The following EFCAB12 variants were observed in gnomAD, a reference collection of about 807,000 sequenced individuals.
The protein encoded by EFCAB12 is EF-hand calcium-binding domain-containing protein 12.
Under a neutral mutation model 53.6 loss-of-function variants are expected in EFCAB12, and 43 were observed. The ratio of observed to expected loss-of-function variants is 0.80; its 90% CI spans 0.63 to 1.03. The LOEUF is 1.03. Ranked by LOEUF, EFCAB12 falls within the 50% of genes least tolerant of loss-of-function variation. The pLI is 0.00. For missense variants in EFCAB12, 646 were observed against 730.6 expected (o/e 0.88, Z 1.34); for synonymous variants, 269 against 289.2 (o/e 0.93, Z 0.71).
At chr3:129,417,981 G>T (rs1258593363) in intron 3 of EFCAB12, among the ~76,000 whole-genome samples, 2 of 152,176 alleles carry the variant, frequency 1.3e-5, no homozygotes, top group Admixed American at 6.5e-5. Flanking sequence ...GTAGCTGGCT[G>T]GTTATGAGGT....
chr3:129,402,494 C>G, intron 8 of EFCAB12, 29 bp downstream of exon 8: 1 of 1,606,260 alleles, frequency 6.2e-7, no homozygotes, highest in Non-Finnish European at 8.5e-7. Context: ...CACCTTCCTT[C>G]CTTGTGGAGT....
intron 1 of EFCAB12, among the ~76,000 whole-genome samples, chr3:129,423,095 T>G (rs779959018): frequency 1.3e-5 from 2 of 152,184 alleles, no homozygotes; most frequent in African/African-American, 4.8e-5. Context: ...GATAAGGACA[T>G]TGAGGCCTAG....
chr3:129,401,742 C>T lies in EFCAB12; in HGVS notation c.1570G>A (p.Asp524Asn). The T allele has an allele frequency of 6.2e-7, 1 of 1,605,388 alleles. No homozygotes were observed. The highest frequency in any genetic ancestry group is 8.5e-7 in the Non-Finnish European group (1 of 1,175,850). Residue 524 changes from aspartate (D) to asparagine (N), a missense_variant, in exon 9 of 9, where the codon GAC (aspartate) becomes AAC (asparagine). Asp to Asn is a conservative substitution (Grantham distance 23). Transcript: ENST00000505956. ...LQLYLPTVATDRSLALFSCVQ... is the reference protein window; with the variant it reads ...LQLYLPTVATNRSLALFSCVQ... ...CAACTGAAGAGCGCCAGGCTCCGGT[C>T]TGTGGCCACAGTGGGCAGGTAGAGC... is the stretch of plus-strand genomic sequence containing the variant.
At chr3:129,416,764 C>A (rs1008953120) in intron 3 of EFCAB12, among the ~76,000 whole-genome samples, 1 of 152,148 alleles carries the variant, frequency 6.6e-6, no homozygotes, top group African/African-American at 2.4e-5. Flanking sequence ...ATCCTCCCAT[C>A]TGACCCTCCC....
intron 6 of EFCAB12, among the ~76,000 whole-genome samples, chr3:129,407,971 A>G (rs1361561188): frequency 6.6e-6 from 1 of 152,226 alleles, no homozygotes; most frequent in African/African-American, 2.4e-5. Flanking sequence ...AGGCATTGCT[A>G]AATTGTCATC....
intron 7 of EFCAB12, chr3:129,404,021 G>A: frequency 2.0e-6 from 1 of 494,240 alleles, no homozygotes. Flanking sequence ...GGTCAGGAGG[G>A]TAGCTGTGTG....
At chr3:129,426,602 G>A (rs1213599695) in intron 1 of EFCAB12, among the ~76,000 whole-genome samples, 1 of 151,664 alleles carries the variant, frequency 6.6e-6, no homozygotes, top group Admixed American at 6.6e-5. Flanking sequence ...CTGACCTGGT[G>A]ATCCGCCCAC....
At chr3:129,404,597 G>A (rs570723239) in intron 6 of EFCAB12, among the ~76,000 whole-genome samples, 194 bp from the exon 7 acceptor site, 9 of 151,878 alleles carry the variant, frequency 5.9e-5, no homozygotes, top group South Asian at 2.1e-4. Context: ...ACTGCAGAGG[G>A]GTCCCTTGAA....
chr3:129,406,517 G>A (rs1301203838), intron 6 of EFCAB12, among the ~76,000 whole-genome samples: 2 of 152,102 alleles, frequency 1.3e-5, no homozygotes, highest in Non-Finnish European at 1.5e-5. Flanking sequence ...GACAGAGAGC[G>A]AGAGAGAAAG....
In EFCAB12 at chr3:129,418,401, C is replaced by T. The variant is rs1203461873; in HGVS notation, c.534G>A (p.Gln178=). The T allele has an allele frequency of 1.9e-6, 3 of 1,613,170 alleles. No homozygotes were observed. The highest frequency in any genetic ancestry group is 2.7e-5 in the African/African-American group (2 of 74,926). ...GGGCAGGGGGCTCGGGCAGCTGGAG[C>T]TGGGGCACCATCTGGCGGGACAGCC... ...LSRLSRQMVP[Q]LQLPEPPALS... The change falls in exon 3 of 9, where the codon CAG becomes CAA. Residue 178 remains glutamine (Q), a synonymous_variant. Transcript: ENST00000505956.
intron 5 of EFCAB12, among the ~76,000 whole-genome samples, chr3:129,409,788 C>T (rs9881592): frequency 0.062 from 9,472 of 152,220 alleles, 929 homozygotes; most frequent in East Asian, 0.44. Flanking sequence ...ACAGACAAGA[C>T]ATGGCTCACC....
intron 8 of EFCAB12, 37 bp downstream of exon 8, chr3:129,402,486 C>T: frequency 6.3e-7 from 1 of 1,599,930 alleles, no homozygotes; most frequent in Non-Finnish European, 8.5e-7. Flanking sequence ...CCTCCTCCCA[C>T]CTTCCTTCCT....
intron 6 of EFCAB12, among the ~76,000 whole-genome samples, chr3:129,407,649 C>T (rs2071970589): frequency 6.6e-6 from 1 of 152,216 alleles, no homozygotes; most frequent in Non-Finnish European, 1.5e-5. Flanking sequence ...TGCGGTGGCT[C>T]ATGCCTGTCA....
intron 6 of EFCAB12, among the ~76,000 whole-genome samples, chr3:129,408,384 G>A (rs1208186827): frequency 6.6e-6 from 1 of 152,212 alleles, no homozygotes; most frequent in Non-Finnish European, 1.5e-5. Context: ...ACCAAGCTCA[G>A]GGTTCCAGAA....
rs2072186089 is a variant in EFCAB12 at position 129,421,462 on chromosome 3, T to A, written c.391A>T (p.Ser131Cys). 6.2e-7 allele frequency: 1 copy of A among 1,613,946 alleles called. No individual in the cohort carries two copies. The highest frequency in any genetic ancestry group is 1.1e-5 in the South Asian group (1 of 91,090). Residue 131 changes from serine (S) to cysteine (C), a missense_variant, in exon 2 of 9, where the codon AGC (serine) becomes TGC (cysteine). Ser to Cys is a moderately radical substitution (Grantham distance 112). Transcript: ENST00000505956. Reference sequence around the variant, plus strand: ...ACCTTGGCCTCTGAAGGCGTGATGCTGGGCTTGTTCTCCAGCCACCTCTTT... The same window carrying A: ...ACCTTGGCCTCTGAAGGCGTGATGCAGGGCTTGTTCTCCAGCCACCTCTTT... ...DVKRWLENKP[S>C]ITPSEAKVLH... is the part of the protein sequence containing the mutation.
Position 129,428,596 on chromosome 3 carries a change from G to A in EFCAB12, c.-108C>T. The stretch of plus-strand genomic sequence containing the variant: ...ATCAGATAAACCGTAACTCCAAGTC[G>A]TGCGAAAGGCGCTCAGCTCAGACTG... On this transcript the variant is annotated 5_prime_UTR_variant, in exon 1 of 9. The change creates a new upstream start codon in the 5' untranslated region. Transcript: ENST00000505956. The A allele has an allele frequency of 7.3e-7, 1 of 1,372,026 alleles. No homozygotes were observed. Among genetic ancestry groups the A allele is most frequent in the Non-Finnish European group, 1.0e-6 (1 of 1,004,300 alleles). 85.0% of individuals were successfully genotyped at this position (1,372,026 alleles called of 1,614,324 possible).
At chr3:129,427,579 G>T (rs2072288800) in intron 1 of EFCAB12, among the ~76,000 whole-genome samples, 2 of 152,188 alleles carry the variant, frequency 1.3e-5, no homozygotes, top group South Asian at 4.1e-4. Context: ...CCTGGGAAAG[G>T]TGGCCAGCCT....
rs745352795 is a variant in EFCAB12 at position 129,408,862 on chromosome 3, C to A, written c.1036-4G>T. On this transcript the variant is annotated splice_polypyrimidine_tract_variant and splice_region_variant and intron_variant, in intron 5 of 8. Coordinates refer to ENST00000505956, the MANE Select transcript of EFCAB12 (RefSeq NM_207307.3). ...ACTGGATGGAGGGGATCGTGAGCTG[C>A]GAAGGAAGCAGAAAGGGGCTCGCCC... The A allele has an allele frequency of 3.8e-6, 6 of 1,563,060 alleles. No individual in the cohort carries two copies. Among genetic ancestry groups the A allele is most frequent in the Non-Finnish European group, 5.2e-6 (6 of 1,154,026 alleles).
In EFCAB12 at chr3:129,408,839, T is replaced by G. The variant is rs1206623356; in HGVS notation, c.1055A>C (p.Gln352Pro). ...RQHKLTIPSI[Q>P]YTEQCHLVRC... is the part of the protein sequence containing the mutation. ...CACCAGGTGACATTGCTCCGTGTAC[T>G]GGATGGAGGGGATCGTGAGCTGCGA... Residue 352 changes from glutamine to proline, a missense_variant, in exon 6 of 9, where the codon CAG (glutamine) becomes CCG (proline). Coordinates refer to ENST00000505956, the MANE Select transcript of EFCAB12 (RefSeq NM_207307.3). 12 of 1,572,306 alleles carry G rather than the reference T, an allele frequency of 7.6e-6. No individual in the cohort carries two copies. The highest frequency in any genetic ancestry group is 1.7e-6 in the Non-Finnish European group (2 of 1,158,840).
Sources: allele counts gnomAD v4.1 joint callset (sites outside exome capture counted in the v4.1 genomes callset), GRCh38; gene constraint gnomAD v4.1.1; transcripts MANE v1.5; gene names NCBI Gene and HGNC (gene_info 2026-07-23, HGNC 2026-07-21).